Variants in RPGRIP1 observed in about 807,000 individuals in gnomAD.
RPGRIP1 encodes the protein X-linked retinitis pigmentosa GTPase regulator-interacting protein 1.
In RPGRIP1, 128 loss-of-function variants were observed where a neutral mutation model predicts 157.9. That is an observed-to-expected ratio of 0.81 (90% CI 0.70 to 0.94). The LOEUF (loss-of-function observed/expected upper bound fraction) is 0.94. Ranked by LOEUF, RPGRIP1 falls within the 40% of genes least tolerant of loss-of-function variation. The probability of loss-of-function intolerance (pLI) is 0.00; values close to 1 mark genes in which losing one functional copy is unlikely to be tolerated. For missense variants in RPGRIP1, 1,486 were observed against 1,545.8 expected, an observed-to-expected ratio of 0.96 and a Z score of 0.65; for synonymous variants, 554 against 571.6, an observed-to-expected ratio of 0.97 and a Z score of 0.44.
In RPGRIP1 at chr14:21,301,018, GCGGAGGAGGCGGCGCCGCTCT is replaced by G; in HGVS notation, c.277_297del (p.Glu93_Glu99del). 2 of 1,612,434 alleles carry G rather than the reference GCGGAGGAGGCGGCGCCGCTCT, an allele frequency of 1.2e-6. No homozygotes were observed. The highest frequency in any genetic ancestry group is 2.2e-5 in the South Asian group (2 of 91,054). ...CGCTGCTGGCCGGGACCTGCGGGTC[GCGGAGGAGGCGGCGCCGCTCT>G]CGGAGACCGCAAGGCGCGGGCAGAA... is the stretch of plus-strand genomic sequence containing the variant. On this transcript the variant is annotated inframe_deletion, in exon 4 of 25. Coordinates refer to ENST00000400017, the MANE Select transcript of RPGRIP1 (RefSeq NM_020366.4).
intron 21 of RPGRIP1, among the ~76,000 whole-genome samples, chr14:21,340,483 C>T (rs1450417167): frequency 2.6e-5 from 4 of 152,090 alleles, no homozygotes; most frequent in African/African-American, 7.2e-5. Context: ...GGTGAAACCC[C>T]GTCTCTACTG....
At chr14:21,346,311 AGGCTGAGGCG>A (rs757665720) in intron 23 of RPGRIP1, among the ~76,000 whole-genome samples, 2 of 152,028 alleles carry the variant, frequency 1.3e-5, no homozygotes, top group African/African-American at 2.4e-5. Context: ...GCACTTTGGG[AGGCTGAGGCG>A]GGCAGATCAC....
intron 6 of RPGRIP1, among the ~76,000 whole-genome samples, chr14:21,305,097 T>C (rs572561138): frequency 6.6e-6 from 1 of 152,246 alleles, no homozygotes; most frequent in South Asian, 2.1e-4. Flanking sequence ...CCACTGCGCC[T>C]GGCCGGTGTT....
intron 2 of RPGRIP1, among the ~76,000 whole-genome samples, chr14:21,289,759 T>C (rs996205551): frequency 1.3e-5 from 2 of 152,146 alleles, no homozygotes; most frequent in East Asian, 1.9e-4. Flanking sequence ...TCCCAGCACC[T>C]TGGGAGGCCG....
intron 1 of RPGRIP1, among the ~76,000 whole-genome samples, chr14:21,283,540 A>T (rs1196579488): frequency 6.6e-6 from 1 of 152,052 alleles, no homozygotes; most frequent in Non-Finnish European, 1.5e-5. Flanking sequence ...TGACCTTGTG[A>T]TCTGCCCGCC....
chr14:21,313,390 C>G (rs1331866288), intron 10 of RPGRIP1, among the ~76,000 whole-genome samples: 1 of 149,250 alleles, frequency 6.7e-6, no homozygotes, highest in Non-Finnish European at 1.5e-5. Context: ...ATAGTAATAG[C>G]AAAAAAACAA....
At chr14:21,348,089 G>T (rs548358847) in intron 23 of RPGRIP1, 83 bp from the exon 24 acceptor site, 6 of 1,166,786 alleles carry the variant, frequency 5.1e-6, no homozygotes, top group East Asian at 5.8e-5. Context: ...ACGTTGTATT[G>T]TTTATGATTA....
intron 7 of RPGRIP1, among the ~76,000 whole-genome samples, chr14:21,310,361 CCCTT>C (rs1272337231): frequency 6.6e-6 from 1 of 152,118 alleles, no homozygotes; most frequent in Non-Finnish European, 1.5e-5. Context: ...TAATAAATGA[CCCTT>C]CATTCTTTTT....
At chr14:21,309,493 G>T (rs932395448) in intron 7 of RPGRIP1, among the ~76,000 whole-genome samples, 2 of 152,014 alleles carry the variant, frequency 1.3e-5, no homozygotes, top group African/African-American at 4.8e-5. Context: ...GCACCTCAGC[G>T]TGAGACTTTG....
chr14:21,346,627 C>T (rs1447853083), intron 23 of RPGRIP1, among the ~76,000 whole-genome samples: 1 of 152,150 alleles, frequency 6.6e-6, no homozygotes, highest in African/African-American at 2.4e-5. Context: ...TTTTTGAAAT[C>T]TGTTATCCAT....
intron 10 of RPGRIP1, among the ~76,000 whole-genome samples, chr14:21,315,780 A>G (rs1314157797): frequency 1.3e-5 from 2 of 151,280 alleles, no homozygotes; most frequent in Admixed American, 6.6e-5. Flanking sequence ...TACTTGCCTA[A>G]GTAGGTTATT....
chr14:21,328,624 A>T lies in RPGRIP1; in HGVS notation c.3096A>T (p.Pro1032=). 6.2e-7 allele frequency: 1 copy of T among 1,608,612 alleles called. No homozygotes were observed. The highest frequency in any genetic ancestry group is 8.5e-7 in the Non-Finnish European group (1 of 1,175,110). The change falls in exon 19 of 25, where the codon CCA becomes CCT. Residue 1032 remains proline, a synonymous_variant. Transcript: ENST00000400017. Reference sequence around the variant, plus strand: ...TTAACATCTTAAATGGAAATACACCAGAGGTAAGACCTTAAAAACTCTGAA... The same window carrying T: ...TTAACATCTTAAATGGAAATACACCTGAGGTAAGACCTTAAAAACTCTGAA... ...LSLNILNGNT[P]EQVNYTEWKF...
At chr14:21,335,378 G>T (rs1884238457) in intron 21 of RPGRIP1, among the ~76,000 whole-genome samples, 1 of 152,112 alleles carries the variant, frequency 6.6e-6, no homozygotes, top group African/African-American at 2.4e-5. Flanking sequence ...TGCTTTGGGA[G>T]ATGGAGTCTG....
chr14:21,329,986 C>T (rs903886792), intron 19 of RPGRIP1, among the ~76,000 whole-genome samples: 8 of 150,842 alleles, frequency 5.3e-5, no homozygotes, highest in Admixed American at 1.3e-4. Context: ...GGTGTGGTGA[C>T]GGGCTCCTGT....
chr14:21,330,535 AGG>A, intron 20 of RPGRIP1, 148 bp downstream of exon 20: 1 of 493,160 alleles, frequency 2.0e-6, no homozygotes, highest in East Asian at 4.1e-5. Flanking sequence ...GTATGGTGGC[AGG>A]CGCCTGTAAT....
rs556435861 is a variant in RPGRIP1 at position 21,280,521 on chromosome 14, C to G, written c.-39+362C>G. ...TCGGCCTCCCAAAGTGCTGGGATTA[C>G]TGGCATGAGCCACCGCGCCTGGCCT... On this transcript the variant is annotated intron_variant, in intron 1 of 24. Coordinates refer to ENST00000400017, the MANE Select transcript of RPGRIP1 (RefSeq NM_020366.4). Among the ~76,000 whole-genome samples the G allele has an allele frequency of 3.3e-5, 5 of 152,296 alleles. No homozygotes were observed. In the South Asian group the frequency reaches 1.0e-3, roughly 32 times the overall value.
intron 5 of RPGRIP1, chr14:21,302,931 G>A (rs1055852334): frequency 7.9e-5 from 14 of 177,888 alleles, no homozygotes; most frequent in African/African-American, 2.6e-4. Flanking sequence ...GTGCAGCAGC[G>A]TGATCTTGGT....
intron 14 of RPGRIP1, among the ~76,000 whole-genome samples, chr14:21,323,539 C>T (rs969676254): frequency 6.6e-6 from 1 of 152,028 alleles, no homozygotes; most frequent in Admixed American, 6.5e-5. Flanking sequence ...GATTTATTTG[C>T]TTTAGCTAAT....
rs141133637 is a variant in RPGRIP1 at position 21,318,129 on chromosome 14, G to A, written c.1306+279G>A. On this transcript the variant is annotated intron_variant, in intron 11 of 24. Transcript: ENST00000400017. Reference sequence around the variant, plus strand: ...TTGTTTGTTTGTTTGTTTTTGAGGTGGAGTTTCGCTCTTGTTGCTCAGGCT... The same window carrying A: ...TTGTTTGTTTGTTTGTTTTTGAGGTAGAGTTTCGCTCTTGTTGCTCAGGCT... The A allele has an allele frequency of 4.0e-4, 231 of 571,396 alleles. No individual in the cohort carries two copies. The Middle Eastern group carries it at 6.2e-3, about 15-fold the overall frequency. 35.4% of individuals were successfully genotyped at this position (571,396 alleles called of 1,614,324 possible).
Sources: gnomAD v4.1 joint callset for allele counts (sites outside exome capture counted in the v4.1 genomes callset) on GRCh38, gnomAD v4.1.1 for gene constraint, MANE v1.5 for transcripts, NCBI Gene and HGNC (gene_info 2026-07-23, HGNC 2026-07-21) for gene names.